The following NCAM2 variants were observed in gnomAD, a reference collection of about 807,000 sequenced individuals.
NCAM2 encodes neural cell adhesion molecule 2, also known as N-CAM-2.
A neutral mutation model predicts 98.1 loss-of-function variants in NCAM2; 30 were observed. That is an observed-to-expected ratio of 0.31 (90% CI 0.23 to 0.41). NCAM2 has a LOEUF of 0.41. Ranked by LOEUF, NCAM2 falls within the 10% of genes least tolerant of loss-of-function variation. NCAM2 has a pLI of 1.00. For missense variants in NCAM2, 867 were observed against 1,005.8 expected (o/e 0.86, Z 1.87); for synonymous variants, 368 against 342.4 (o/e 1.07, Z -0.83).
intron 8 of NCAM2, among the ~76,000 whole-genome samples, chr21:21,352,027 G>GGCTCTCATCTGTTT (rs2075355594): frequency 6.6e-6 from 1 of 152,114 alleles, no homozygotes; most frequent in Non-Finnish European, 1.5e-5. Flanking sequence ...TGGGATTGCA[G>GGCTCTCATCTGTTT]GCTCTCATCT....
At chr21:21,224,958 A>G (rs1472075897) in intron 1 of NCAM2, among the ~76,000 whole-genome samples, 1 of 152,164 alleles carries the variant, frequency 6.6e-6, no homozygotes, top group Non-Finnish European at 1.5e-5. Flanking sequence ...AAAACAATTT[A>G]CAGTTTTTGC....
At chr21:21,482,457 G>C (rs1024489806) in intron 15 of NCAM2, among the ~76,000 whole-genome samples, 1 of 151,940 alleles carries the variant, frequency 6.6e-6, no homozygotes, top group Non-Finnish European at 1.5e-5. Flanking sequence ...GAGTTTAAAG[G>C]TTAAAGTGGT....
chr21:21,011,704 A>G (rs570655479), intron 1 of NCAM2, among the ~76,000 whole-genome samples: 5 of 152,220 alleles, frequency 3.3e-5, no homozygotes, highest in African/African-American at 1.2e-4. Context: ...TAACTATGGA[A>G]TGGGAGAATA....
intron 11 of NCAM2, among the ~76,000 whole-genome samples, chr21:21,426,184 G>A (rs1425792667): frequency 6.6e-6 from 1 of 152,056 alleles, no homozygotes. Context: ...TATAAAATGT[G>A]GAGGGAAACC....
At chr21:21,271,553 A>G (rs2072499864) in intron 1 of NCAM2, among the ~76,000 whole-genome samples, 1 of 152,266 alleles carries the variant, frequency 6.6e-6, no homozygotes, top group South Asian at 2.1e-4. Flanking sequence ...TTATCAAGCT[A>G]TTTCTGTGCA....
chr21:21,114,775 TAAACA>T (rs1233759683), intron 1 of NCAM2, among the ~76,000 whole-genome samples: 2 of 151,982 alleles, frequency 1.3e-5, no homozygotes, highest in Non-Finnish European at 1.5e-5. Context: ...CTGCTTTTAT[TAAACA>T]AAACAAAACA....
chr21:21,184,201 A>G (rs957777244), intron 1 of NCAM2, among the ~76,000 whole-genome samples: 5 of 152,060 alleles, frequency 3.3e-5, no homozygotes, highest in Admixed American at 3.3e-4. Flanking sequence ...AATTTAGGTT[A>G]GGGAATTTGT....
At chr21:21,428,714 T>C (rs1040442090) in intron 11 of NCAM2, among the ~76,000 whole-genome samples, 7 of 152,100 alleles carry the variant, frequency 4.6e-5, no homozygotes, top group African/African-American at 1.7e-4. Context: ...ATAAGATAGA[T>C]AGGAATCAAG....
intron 1 of NCAM2, among the ~76,000 whole-genome samples, chr21:21,239,664 A>G (rs1173468836): frequency 6.6e-6 from 1 of 152,130 alleles, no homozygotes; most frequent in East Asian, 1.9e-4. Flanking sequence ...GATTCCTAAA[A>G]GGTGGAATTT....
chr21:21,400,180 C>T (rs1020210414), intron 9 of NCAM2, among the ~76,000 whole-genome samples: 1 of 152,142 alleles, frequency 6.6e-6, no homozygotes, highest in Non-Finnish European at 1.5e-5. Flanking sequence ...GAAGGTGACA[C>T]ATTCAGATGC....
intron 16 of NCAM2, among the ~76,000 whole-genome samples, chr21:21,530,210 T>TTAATTTAAATTAATTATATA (rs1569141785): frequency 3.3e-5 from 3 of 90,132 alleles, no homozygotes; most frequent in African/African-American, 1.3e-4. Context: ...TATATATAAT[T>TTAATTTAAATTAATTATATA]TAATTTAATT....
chr21:21,363,109 T>C (rs2075689940), intron 8 of NCAM2, among the ~76,000 whole-genome samples: 1 of 152,198 alleles, frequency 6.6e-6, no homozygotes. Flanking sequence ...TTTGATTGAT[T>C]AGTGAATAAT....
At chr21:21,185,728 C>T (rs906131865) in intron 1 of NCAM2, among the ~76,000 whole-genome samples, 3 of 152,024 alleles carry the variant, frequency 2.0e-5, no homozygotes, top group Non-Finnish European at 2.9e-5. Flanking sequence ...ATGTGACTGC[C>T]AATCAGTATT....
intron 1 of NCAM2, among the ~76,000 whole-genome samples, chr21:21,134,477 T>G (rs1020223688): frequency 1.6e-4 from 24 of 152,068 alleles, no homozygotes; most frequent in Non-Finnish European, 3.2e-4. Flanking sequence ...GGTTTTTGTC[T>G]ATAGGAGTTA....
At chr21:21,095,283 A>C (rs928472913) in intron 1 of NCAM2, among the ~76,000 whole-genome samples, 2 of 151,682 alleles carry the variant, frequency 1.3e-5, no homozygotes, top group Non-Finnish European at 3.0e-5. Flanking sequence ...CAAGGAAGAA[A>C]TCCAAGGAAA....
rs187978607 is a variant in NCAM2, at chr21:21,313,172, T to A, written c.620-11211T>A. Among the ~76,000 whole-genome samples the A allele has an allele frequency of 2.2e-4, 33 of 151,996 alleles. No individual in the cohort carries two copies. The East Asian group carries it at 6.4e-3, about 29-fold the overall frequency. On this transcript the variant is annotated intron_variant, in intron 5 of 17. Coordinates refer to ENST00000400546, the MANE Select transcript of NCAM2 (RefSeq NM_004540.5). ...CATTGTATTCTTATTCCAAATAAAC[T>A]TCATTTAAAAAAATTTTCTCTATTT...
At chr21:21,391,315 C>T (rs974472326) in intron 9 of NCAM2, among the ~76,000 whole-genome samples, 10 of 152,066 alleles carry the variant, frequency 6.6e-5, no homozygotes, top group Non-Finnish European at 1.3e-4. Flanking sequence ...TCTAGGGAAC[C>T]GGAATCTACT....
chr21:21,294,523 A>G (rs368280592), intron 5 of NCAM2, among the ~76,000 whole-genome samples: 1 of 151,850 alleles, frequency 6.6e-6, no homozygotes, highest in African/African-American at 2.4e-5. Context: ...TAATATGAAC[A>G]TCTTTGCTCG....
chr21:21,286,822 T>C (rs1024688988), intron 4 of NCAM2, among the ~76,000 whole-genome samples: 5 of 151,920 alleles, frequency 3.3e-5, no homozygotes, highest in African/African-American at 9.7e-5. Context: ...AAAAGATGAA[T>C]ACATTATAAG....
Sources: gnomAD v4.1 joint callset for allele counts (sites outside exome capture counted in the v4.1 genomes callset) on GRCh38, gnomAD v4.1.1 for gene constraint, MANE v1.5 for transcripts, NCBI Gene and HGNC (gene_info 2026-07-23, HGNC 2026-07-21) for gene names.